Variants in FARSB observed in about 807,000 individuals in gnomAD.
FARSB encodes the protein phenylalanine--tRNA ligase beta subunit.
FARSB carries 40 observed loss-of-function variants against 69.6 expected under a neutral mutation model. That is an observed-to-expected ratio of 0.57 (90% confidence interval 0.45 to 0.75). The LOEUF is 0.75. FARSB is among the 30% of genes least tolerant of loss of function. The pLI is 0.00. For synonymous variants in FARSB, 235 were observed against 247.2 expected (o/e 0.95, Z 0.46); for missense variants, 632 against 722.9 (o/e 0.87, Z 1.44).
In FARSB at chr2:222,623,648, A is replaced by G; in HGVS notation, c.1251+2T>C. ...TGGGCAGAAAAAGCATGTAAGACAT[A>G]CCAGGGCAAAGGTAAGTGCTTCAGT... On this transcript the variant is annotated splice_donor_variant, in intron 13 of 16. Coordinates refer to ENST00000281828, the MANE Select transcript of FARSB (RefSeq NM_005687.5). LOFTEE classifies it high-confidence loss of function. The G allele has an allele frequency of 6.4e-7, 1 of 1,566,108 alleles. No homozygotes were observed. The highest frequency in any genetic ancestry group is 8.8e-7 in the Non-Finnish European group (1 of 1,136,110).
intron 16 of FARSB, among the ~76,000 whole-genome samples, chr2:222,597,013 A>G (rs943678279): frequency 2.0e-5 from 3 of 152,194 alleles, no homozygotes; most frequent in East Asian, 1.9e-4. Context: ...AATGATACCA[A>G]TTCTCTGTGG....
chr2:222,580,334 G>A (rs1343010054), intron 16 of FARSB, among the ~76,000 whole-genome samples: 1 of 151,924 alleles, frequency 6.6e-6, no homozygotes, highest in African/African-American at 2.4e-5. Context: ...TGTAAGCATA[G>A]AGTCTTTCTT....
At chr2:222,600,774 C>A (rs1255775957) in intron 15 of FARSB, among the ~76,000 whole-genome samples, 2 of 152,066 alleles carry the variant, frequency 1.3e-5, no homozygotes, top group Admixed American at 6.5e-5. Context: ...CTAACAATTA[C>A]CCTAGGTTAA....
At chr2:222,590,369 G>A (rs552020363) in intron 16 of FARSB, among the ~76,000 whole-genome samples, 203 of 152,168 alleles carry the variant, frequency 1.3e-3, no homozygotes, top group African/African-American at 4.3e-3. Context: ...CTGTCATGGG[G>A]TGGGGGAAGG....
At chr2:222,583,833 C>T (rs910236447) in intron 16 of FARSB, among the ~76,000 whole-genome samples, 2 of 152,188 alleles carry the variant, frequency 1.3e-5, no homozygotes, top group East Asian at 1.9e-4. Context: ...AGAGGCATTT[C>T]CCCCTTTACT....
intron 5 of FARSB, among the ~76,000 whole-genome samples, chr2:222,637,665 GA>G (rs1165561343): frequency 6.6e-6 from 1 of 152,130 alleles, no homozygotes; most frequent in Non-Finnish European, 1.5e-5. Flanking sequence ...AAAAATAAGA[GA>G]AGAATCAATG....
At chr2:222,642,070 C>T (rs143838624) in intron 3 of FARSB, among the ~76,000 whole-genome samples, 25 of 150,684 alleles carry the variant, frequency 1.7e-4, no homozygotes, top group Non-Finnish European at 2.8e-4. Context: ...GTGCAAATCT[C>T]GACTCACTGC....
chr2:222,629,894 C>T (rs1691372793), intron 9 of FARSB, among the ~76,000 whole-genome samples: 1 of 152,160 alleles, frequency 6.6e-6, no homozygotes, highest in Non-Finnish European at 1.5e-5. Flanking sequence ...GCGCAGGCCA[C>T]CAAACCCAAG....
At chr2:222,637,885 A>G (rs527567461) in intron 5 of FARSB, among the ~76,000 whole-genome samples, 3 of 152,284 alleles carry the variant, frequency 2.0e-5, no homozygotes, top group East Asian at 3.9e-4. Context: ...TAGGAGGCTG[A>G]GGCAGGAGGA....
At chr2:222,631,090 A>T (rs1691410938) in intron 8 of FARSB, among the ~76,000 whole-genome samples, 1 of 152,200 alleles carries the variant, frequency 6.6e-6, no homozygotes, top group South Asian at 2.1e-4. Context: ...GAACTGACTC[A>T]AAGTGGGTGA....
intron 15 of FARSB, among the ~76,000 whole-genome samples, chr2:222,610,443 T>C (rs1323579254): frequency 6.6e-6 from 1 of 152,112 alleles, no homozygotes; most frequent in Non-Finnish European, 1.5e-5. Flanking sequence ...CATTCCTGTT[T>C]CCATAAATAA....
chr2:222,612,488 T>G (rs1432686095), intron 15 of FARSB, among the ~76,000 whole-genome samples: 1 of 152,218 alleles, frequency 6.6e-6, no homozygotes, highest in African/African-American at 2.4e-5. Context: ...CTAAGATAGG[T>G]CGATTTACAG....
chr2:222,592,349 C>T (rs547669492), intron 16 of FARSB, among the ~76,000 whole-genome samples: 2 of 152,234 alleles, frequency 1.3e-5, no homozygotes, highest in East Asian at 1.9e-4. Context: ...GAACTGGCCA[C>T]TTAGAGCGTT....
chr2:222,598,570 C>T (rs1258973069), intron 16 of FARSB, among the ~76,000 whole-genome samples: 2 of 152,130 alleles, frequency 1.3e-5, no homozygotes, highest in Non-Finnish European at 2.9e-5. Flanking sequence ...GAAGATTGTG[C>T]ATGGAAGGAA....
chr2:222,605,959 TTA>T (rs1466816230), intron 15 of FARSB, among the ~76,000 whole-genome samples: 1 of 152,112 alleles, frequency 6.6e-6, no homozygotes, highest in East Asian at 1.9e-4. Context: ...CTTAAAAAAT[TTA>T]TACTCTATTT....
chr2:222,574,178 T>C lies in FARSB; in HGVS notation c.1619-2156A>G, dbSNP rs1368493703. Among the ~76,000 whole-genome samples the C allele has an allele frequency of 2.0e-5, 3 of 151,942 alleles. No individual in the cohort carries two copies. The East Asian group carries it at 5.8e-4, about 29-fold the overall frequency. ...ATCAGCACTTTTTTTTTTAGCAAAATTCAGTTATATTCTTCTTCAGTTGCC... is the reference window on the plus strand; with the variant it reads ...ATCAGCACTTTTTTTTTTAGCAAAACTCAGTTATATTCTTCTTCAGTTGCC... On this transcript the variant is annotated intron_variant, in intron 16 of 16. Coordinates refer to ENST00000281828, the MANE Select transcript of FARSB (RefSeq NM_005687.5).
In FARSB at chr2:222,589,006, A is replaced by C. The variant is rs921930750; in HGVS notation, c.1618+10922T>G. 3.9e-5 allele frequency among the ~76,000 whole-genome samples: 6 copies of C among 152,338 alleles called. No homozygotes were observed. The South Asian group carries it at 1.2e-3, about 32-fold the overall frequency. On this transcript the variant is annotated intron_variant, in intron 16 of 16. Coordinates refer to ENST00000281828, the MANE Select transcript of FARSB (RefSeq NM_005687.5). ...GACTTTCTTCACGGATTTGGAAAAA[A>C]CTACTTTAAAGTTCATATGGCACCA... is the stretch of plus-strand genomic sequence containing the variant.
At chr2:222,583,399 A>G (rs762395763) in intron 16 of FARSB, among the ~76,000 whole-genome samples, 7 of 152,244 alleles carry the variant, frequency 4.6e-5, no homozygotes, top group Non-Finnish European at 7.3e-5. Context: ...CAGTTATTGG[A>G]TAAATGAAAA....
At chr2:222,636,135 G>A (rs980871491) in intron 5 of FARSB, among the ~76,000 whole-genome samples, 9 of 151,478 alleles carry the variant, frequency 5.9e-5, no homozygotes, top group African/African-American at 1.7e-4. Context: ...GGCCGCACGC[G>A]GTGGCTCATG....
Sources: gnomAD v4.1 joint callset for allele counts (sites outside exome capture counted in the v4.1 genomes callset) on GRCh38, gnomAD v4.1.1 for gene constraint, MANE v1.5 for transcripts, NCBI Gene and HGNC (gene_info 2026-07-23, HGNC 2026-07-21) for gene names.